MEGF11: variants seen among roughly 807,000 people sequenced by gnomAD.
The protein encoded by MEGF11 is multiple EGF like domains 11.
MEGF11 carries 126 observed loss-of-function variants against 146.6 expected under a neutral mutation model. The ratio of observed to expected loss-of-function variants is 0.86; its 90% CI spans 0.74 to 1.00. MEGF11 has a LOEUF of 1.00. MEGF11 is among the 50% of genes least tolerant of loss of function. The probability of loss-of-function intolerance (pLI) is 0.00; values close to 1 mark genes in which losing one functional copy is unlikely to be tolerated. For missense variants in MEGF11, 1,509 were observed against 1,521.2 expected (o/e 0.99, Z 0.13); for synonymous variants, 532 against 583.4 (o/e 0.91, Z 1.27).
At position 66,119,088 on chromosome 15, in the gene MEGF11, A is replaced by G; in HGVS notation, c.299T>C (p.Ile100Thr). ...PGYYESGDFCIPLCTEECVHG... is the reference protein window; with the variant it reads ...PGYYESGDFCTPLCTEECVHG... ...GAACAGCAGCAGCCCCTACATACGT[A>G]TGCAGAAGTCTCCGCTCTCATAGTA... The change falls in exon 4 of 26, where the codon ATA becomes ACA. Residue 100 changes from isoleucine to threonine, a missense_variant and splice_region_variant. Ile to Thr is a moderately conservative substitution (Grantham distance 89). Transcript: ENST00000395614. The G allele has an allele frequency of 1.3e-6, 2 of 1,549,072 alleles. No homozygotes were observed. The highest frequency in any genetic ancestry group is 1.7e-6 in the Non-Finnish European group (2 of 1,145,282).
At chr15:66,052,132 C>T (rs1393005725) in intron 5 of MEGF11, among the ~76,000 whole-genome samples, 2 of 152,200 alleles carry the variant, frequency 1.3e-5, no homozygotes, top group Non-Finnish European at 2.9e-5. Context: ...CCCATTAACG[C>T]TGCTCCTCAA....
rs2079200920 is a variant in MEGF11, at chr15:65,922,364, C to T, written c.1931G>A (p.Gly644Glu). The T allele has an allele frequency of 6.2e-7, 1 of 1,605,898 alleles. No individual in the cohort carries two copies. The highest frequency in any genetic ancestry group is 8.5e-7 in the Non-Finnish European group (1 of 1,176,420). Residue 644 changes from glycine to glutamate, a missense_variant, in exon 15 of 26, where the codon GGA becomes GAA. Physicochemically the swap from Gly to Glu is moderately conservative, Grantham distance 98. Transcript: ENST00000395614. ...TTGGTTGCAGAGAGCTCCAGAGAAT[C>T]CTGGGAGGCACTCACAGATGCCGCT... ...HISGICECLP[G>E]FSGALCNQVC...
At chr15:66,072,762 C>T (rs532685705) in intron 5 of MEGF11, among the ~76,000 whole-genome samples, 2 of 152,342 alleles carry the variant, frequency 1.3e-5, no homozygotes, top group South Asian at 4.1e-4. Context: ...CAACTATCAT[C>T]CATAGGCCCT....
Position 65,906,091 on chromosome 15 carries a change from A to G in MEGF11, c.3049T>C (p.Phe1017Leu). Residue 1017 changes from phenylalanine to leucine, a missense_variant, in exon 24 of 26, where the codon TTC (phenylalanine) becomes CTC (leucine). Coordinates refer to ENST00000395614, the MANE Select transcript of MEGF11 (RefSeq NM_001385028.1). ...RQNTYIMDKG[F>L]KDYMKESVCS... The stretch of plus-strand genomic sequence containing the variant: ...GCAGGATTGGATACTCTACCTTTGA[A>G]GCCTTTGTCCATAATGTATGTGTTC... The G allele has an allele frequency of 6.2e-7, 1 of 1,610,594 alleles. No homozygotes were observed. Among genetic ancestry groups the G allele is most frequent in the Non-Finnish European group, 8.5e-7 (1 of 1,178,178 alleles).
chr15:66,234,089 G>A (rs2140212127), intron 1 of MEGF11, among the ~76,000 whole-genome samples: 1 of 152,040 alleles, frequency 6.6e-6, no homozygotes, highest in Non-Finnish European at 1.5e-5. Context: ...AGTAGGGACG[G>A]GGTTTCGCTG....
intron 5 of MEGF11, among the ~76,000 whole-genome samples, chr15:66,066,252 C>T (rs768166302): frequency 2.6e-5 from 4 of 152,052 alleles, no homozygotes; most frequent in East Asian, 3.9e-4. Context: ...GGCCGAGAGA[C>T]GCCAGGGGCT....
At chr15:65,921,723 G>A (rs1260358618) in intron 15 of MEGF11, 2 of 152,360 alleles carry the variant, frequency 1.3e-5, no homozygotes, top group African/African-American at 4.8e-5. Context: ...AAAATCTGCA[G>A]ATGTTACAGA....
At chr15:66,203,782 T>G (rs1194132538) in intron 1 of MEGF11, among the ~76,000 whole-genome samples, 1 of 152,174 alleles carries the variant, frequency 6.6e-6, no homozygotes, top group African/African-American at 2.4e-5. Flanking sequence ...TGGGTGACAA[T>G]AGAGAAAATT....
intron 1 of MEGF11, among the ~76,000 whole-genome samples, chr15:66,165,624 T>C (rs1314976334): frequency 6.6e-6 from 1 of 152,204 alleles, no homozygotes; most frequent in African/African-American, 2.4e-5. Flanking sequence ...CGCCTCCCTC[T>C]GCCCTCTCAG....
intron 1 of MEGF11, among the ~76,000 whole-genome samples, chr15:66,169,343 A>G (rs2090183080): frequency 6.6e-6 from 1 of 152,174 alleles, no homozygotes; most frequent in African/African-American, 2.4e-5. Flanking sequence ...CGTCTGCCCA[A>G]CAAAAGCCCA....
intron 1 of MEGF11, among the ~76,000 whole-genome samples, chr15:66,250,113 G>T (rs2092350678): frequency 6.6e-6 from 1 of 152,178 alleles, no homozygotes; most frequent in African/African-American, 2.4e-5. Context: ...AGTCTCTATG[G>T]ATACCTAGCA....
At chr15:65,999,452 C>A (rs1044848217) in intron 5 of MEGF11, among the ~76,000 whole-genome samples, 2 of 152,190 alleles carry the variant, frequency 1.3e-5, no homozygotes, top group Non-Finnish European at 2.9e-5. Flanking sequence ...CTTCAAGAAC[C>A]TTCCTGCTTC....
chr15:66,038,034 C>T (rs2083793034), intron 5 of MEGF11, among the ~76,000 whole-genome samples: 1 of 152,178 alleles, frequency 6.6e-6, no homozygotes, highest in Non-Finnish European at 1.5e-5. Flanking sequence ...CTTACCAAAG[C>T]GGTTTTATAT....
chr15:66,068,949 C>T (rs2085252518), intron 5 of MEGF11, among the ~76,000 whole-genome samples: 1 of 152,224 alleles, frequency 6.6e-6, no homozygotes. Context: ...TGGGCCCCTA[C>T]TACAAGCCAG....
Position 65,912,277 on chromosome 15 carries a change from G to A in MEGF11, c.2711-77C>T, listed in dbSNP as rs543820024. 1.6e-4 allele frequency: 145 copies of A among 908,638 alleles called. No homozygotes were observed. The African/African-American group carries it at 2.2e-3, about 14-fold the overall frequency. The allele number at this position is 908,638 out of a possible 1,614,324, so 56.3% of individuals were successfully genotyped here. A position where few individuals can be genotyped will look rare whatever the true frequency, so the allele number is the denominator to read the frequency against. On this transcript the variant is annotated intron_variant, in intron 20 of 25. Coordinates refer to ENST00000395614, the MANE Select transcript of MEGF11 (RefSeq NM_001385028.1). ...AGATACCCCCAGTACTAATGCTTGC[G>A]CTGGGAGCCTTGAGAGAGCCCTGCA...
intron 1 of MEGF11, among the ~76,000 whole-genome samples, chr15:66,176,081 T>C (rs1441589317): frequency 1.3e-5 from 2 of 152,122 alleles, no homozygotes; most frequent in Non-Finnish European, 2.9e-5. Context: ...ACATCACTAA[T>C]CACCAGGGAT....
At chr15:66,089,445 C>G (rs1043283517) in intron 5 of MEGF11, among the ~76,000 whole-genome samples, 9 of 152,172 alleles carry the variant, frequency 5.9e-5, no homozygotes, top group African/African-American at 2.2e-4. Flanking sequence ...GCAGCCTTCT[C>G]CCTCATCTCT....
chr15:66,138,551 C>T lies in MEGF11; in HGVS notation c.-8-10140G>A, dbSNP rs147971870. 7.6e-4 allele frequency among the ~76,000 whole-genome samples: 115 copies of T among 152,242 alleles called. No homozygotes were observed. In the East Asian group the frequency reaches 0.021, roughly 27 times the overall value. The stretch of plus-strand genomic sequence containing the variant: ...GATAACTTCTGGCTTGCAGCCCGGT[C>T]GGGTCACGGCCGGCACTTCACCTCC... On this transcript the variant is annotated intron_variant, in intron 1 of 25. Transcript: ENST00000395614.
chr15:66,132,458 G>C (rs149159845), intron 1 of MEGF11, among the ~76,000 whole-genome samples: 1 of 152,210 alleles, frequency 6.6e-6, no homozygotes, highest in Non-Finnish European at 1.5e-5. Flanking sequence ...CCTGGCCAAC[G>C]TGCCTGCAGC....
Sources: gnomAD v4.1 joint callset for allele counts (sites outside exome capture counted in the v4.1 genomes callset) on GRCh38, gnomAD v4.1.1 for gene constraint, MANE v1.5 for transcripts, NCBI Gene and HGNC (gene_info 2026-07-23, HGNC 2026-07-21) for gene names.